The following PAX7 variants were observed in gnomAD, a reference collection of about 807,000 sequenced individuals.
The protein encoded by PAX7 is paired box 7.
A neutral mutation model predicts 50.7 loss-of-function variants in PAX7; 18 were observed. The observed-to-expected ratio is 0.36, with a 90% confidence interval of 0.25 to 0.53. The LOEUF (loss-of-function observed/expected upper bound fraction) is 0.53. Among genes scored for constraint, PAX7 ranks in the 20% least tolerant of loss-of-function variants. PAX7 has a pLI of 0.93. For synonymous variants in PAX7, 310 were observed against 290.4 expected, an observed-to-expected ratio of 1.07 and a Z score of -0.69; for missense variants, 644 against 702.9, an observed-to-expected ratio of 0.92 and a Z score of 0.95.
intron 4 of PAX7, among the ~76,000 whole-genome samples, chr1:18,676,025 A>C (rs895915859): frequency 2.6e-5 from 4 of 152,130 alleles, no homozygotes; most frequent in African/African-American, 9.7e-5. Flanking sequence ...GCCTGACATA[A>C]TACGTAACAG....
intron 4 of PAX7, among the ~76,000 whole-genome samples, chr1:18,677,415 T>C (rs1043843617): frequency 5.3e-5 from 8 of 152,178 alleles, no homozygotes; most frequent in African/African-American, 1.9e-4. Flanking sequence ...GGTGGCATGA[T>C]CCTGAGACCC....
rs1028467301 is a variant in PAX7 at position 18,700,570 on chromosome 1, T to C, written c.787-83T>C. The C allele has an allele frequency of 7.7e-7, 1 of 1,305,256 alleles. No individual in the cohort carries two copies. The highest frequency in any genetic ancestry group is 1.0e-6 in the Non-Finnish European group (1 of 974,984). The allele number at this position is 1,305,256 out of a possible 1,614,324, so 80.9% of individuals were successfully genotyped here. The stretch of plus-strand genomic sequence containing the variant: ...CTGGCTGGATCAGAGGGTGATGGCT[T>C]GGGCAACTGGGTCTACATGTGTTGC... On this transcript the variant is annotated intron_variant, in intron 5 of 8. Coordinates refer to ENST00000420770, the MANE Select transcript of PAX7 (RefSeq NM_001135254.2). The surrounding 1 kb of genome is among the most constrained non-coding windows in gnomAD (Gnocchi z 4.8).
chr1:18,679,255 A>C lies in PAX7; in HGVS notation c.587-12499A>C, dbSNP rs562592329. Among the ~76,000 whole-genome samples the C allele has an allele frequency of 9.9e-5, 15 of 152,274 alleles. No individual in the cohort carries two copies. The East Asian group carries it at 2.5e-3, about 26-fold the overall frequency. ...TTACATGGACAGAGGGACGAGGCCC[A>C]AAGCCATTTTCCATCTCCACCTCCA... On this transcript the variant is annotated intron_variant, in intron 4 of 8. Transcript: ENST00000420770.
In PAX7 at chr1:18,745,286, G is replaced by T. The variant is rs753800946; in HGVS notation, c.*357G>T. The T allele has an allele frequency of 4.0e-4, 128 of 319,344 alleles. No homozygotes were observed. Among genetic ancestry groups the T allele is most frequent in the Non-Finnish European group, 6.6e-4 (112 of 170,646 alleles). The allele number at this position is 319,344 out of a possible 1,614,324, so 19.8% of individuals were successfully genotyped here. ...AGAGGAGGATGGTGCCTGAGAGGAGGTCCTACAGCCCTTTGGACCCAACTC... is the reference window on the plus strand; with the variant it reads ...AGAGGAGGATGGTGCCTGAGAGGAGTTCCTACAGCCCTTTGGACCCAACTC... On this transcript the variant is annotated 3_prime_UTR_variant, in exon 9 of 9. Coordinates refer to ENST00000420770, the MANE Select transcript of PAX7 (RefSeq NM_001135254.2).
At chr1:18,743,761 C>T (rs1379378674) in intron 8 of PAX7, among the ~76,000 whole-genome samples, 2 of 152,222 alleles carry the variant, frequency 1.3e-5, no homozygotes, top group East Asian at 3.9e-4. Flanking sequence ...AGGGTCATCC[C>T]TGCACATACA....
Position 18,735,371 on chromosome 1 carries a change from C to T in PAX7, c.1156-261C>T, listed in dbSNP as rs150022652. On this transcript the variant is annotated intron_variant, in intron 7 of 8. Transcript: ENST00000420770. This position sits in a 1 kb window ranked among gnomAD's most constrained non-coding sequence, Gnocchi z 4.0. ...GGGCCAGACCCTGGAGCTAGAGAGG[C>T]GAGTAAGGCCCTGCTGAGTTCTCAG... is the stretch of plus-strand genomic sequence containing the variant. 1.3e-3 allele frequency among the ~76,000 whole-genome samples: 199 copies of T among 152,242 alleles called. No homozygotes were observed. Among genetic ancestry groups the T allele is most frequent in the African/African-American group, 4.5e-3 (185 of 41,528 alleles).
chr1:18,635,352 A>C, intron 3 of PAX7, 112 bp downstream of exon 3: 8 of 1,299,014 alleles, frequency 6.2e-6, no homozygotes, highest in Non-Finnish European at 8.4e-6. Context: ...CTGTGAACTT[A>C]CTGAGAAGTT....
rs538149421 is a variant in PAX7 at position 18,713,391 on chromosome 1, C to T, written c.1155+10095C>T. On this transcript the variant is annotated intron_variant, in intron 7 of 8. Coordinates refer to ENST00000420770, the MANE Select transcript of PAX7 (RefSeq NM_001135254.2). ...TTATAACTAGGTGTCTGGCAGGTAA[C>T]GGACCACCACCAACTGTTGGGCAAC... Among the ~76,000 whole-genome samples the T allele has an allele frequency of 1.5e-3, 231 of 152,320 alleles. 1 individual carries two copies. The highest frequency in any genetic ancestry group is 5.1e-3 in the African/African-American group (212 of 41,566).
intron 8 of PAX7, among the ~76,000 whole-genome samples, chr1:18,741,218 G>C (rs1298637896): frequency 6.6e-6 from 1 of 152,226 alleles, no homozygotes. Context: ...GGAGGCCAAA[G>C]TGGGCAGATC....
Position 18,735,555 on chromosome 1 carries a change from C to G in PAX7, c.1156-77C>G. 6.5e-7 allele frequency: 1 copy of G among 1,545,686 alleles called. No homozygotes were observed. The highest frequency in any genetic ancestry group is 1.2e-5 in the South Asian group (1 of 80,868). On this transcript the variant is annotated intron_variant, in intron 7 of 8. Coordinates refer to ENST00000420770, the MANE Select transcript of PAX7 (RefSeq NM_001135254.2). The surrounding 1 kb of genome is among the most constrained non-coding windows in gnomAD (Gnocchi z 4.0). ...CTGGCAAAGAGTGTTCCAGGGCCAG[C>G]CTGGCATTGTGCCCAGTGTGCTCGT...
chr1:18,702,875 G>C (rs182639747), intron 6 of PAX7, among the ~76,000 whole-genome samples: 32 of 152,326 alleles, frequency 2.1e-4, no homozygotes, highest in Non-Finnish European at 4.6e-4. Flanking sequence ...CTGTCTAGGG[G>C]TTGTCTAGAA....
intron 4 of PAX7, among the ~76,000 whole-genome samples, chr1:18,688,692 G>C (rs1018009463): frequency 1.3e-5 from 2 of 152,164 alleles, no homozygotes; most frequent in Non-Finnish European, 2.9e-5. Flanking sequence ...CCTGAGGTCA[G>C]GAGTTCAAGA....
At position 18,735,056 on chromosome 1, in the gene PAX7, G is replaced by A. The variant is rs1440766530; in HGVS notation, c.1156-576G>A. ...AGAATCAAAGGAAGGGGCCTGAGAG[G>A]CTCTTTGAAAGCATTGGCTGTGGGC... On this transcript the variant is annotated intron_variant, in intron 7 of 8. Transcript: ENST00000420770. This position sits in a 1 kb window ranked among gnomAD's most constrained non-coding sequence, Gnocchi z 4.0. 2.6e-5 allele frequency among the ~76,000 whole-genome samples: 4 copies of A among 152,206 alleles called. No homozygotes were observed. Among genetic ancestry groups the A allele is most frequent in the Non-Finnish European group, 5.9e-5 (4 of 68,040 alleles).
chr1:18,708,616 C>T (rs748287587), intron 7 of PAX7, among the ~76,000 whole-genome samples: 8 of 152,034 alleles, frequency 5.3e-5, no homozygotes, highest in Non-Finnish European at 8.8e-5. Flanking sequence ...TTTTGTAACG[C>T]AAATGACTTT....
intron 4 of PAX7, among the ~76,000 whole-genome samples, chr1:18,676,893 G>A (rs760435205): frequency 1.2e-4 from 19 of 152,110 alleles, no homozygotes; most frequent in Admixed American, 2.6e-4. Flanking sequence ...TGTTCTTTGA[G>A]ATCCAGGAAG....
chr1:18,662,864 C>T (rs189575403), intron 4 of PAX7, among the ~76,000 whole-genome samples: 1 of 152,070 alleles, frequency 6.6e-6, no homozygotes, highest in East Asian at 1.9e-4. Flanking sequence ...TGAGCCACCA[C>T]ACCCAGCCTG....
At chr1:18,722,731 C>A (rs1207866902) in intron 7 of PAX7, among the ~76,000 whole-genome samples, 5 of 152,096 alleles carry the variant, frequency 3.3e-5, no homozygotes, top group African/African-American at 9.7e-5. Context: ...CAGCAGGGAG[C>A]AGGAGGGAGG....
chr1:18,729,367 C>T (rs1041439913), intron 7 of PAX7, among the ~76,000 whole-genome samples: 2 of 152,102 alleles, frequency 1.3e-5, no homozygotes, highest in African/African-American at 2.4e-5. Context: ...CCCTGGGGTG[C>T]CAAGTCACTC....
chr1:18,708,595 T>A (rs566473042), intron 7 of PAX7, among the ~76,000 whole-genome samples: 1 of 152,126 alleles, frequency 6.6e-6, no homozygotes, highest in South Asian at 2.1e-4. Context: ...TGACTTAGGA[T>A]GAAAGGAACC....
Sources: gnomAD v4.1 joint callset for allele counts (sites outside exome capture counted in the v4.1 genomes callset) on GRCh38, gnomAD v4.1.1 for gene constraint, Gnocchi (gnomAD v3.1) non-coding constraint, MANE v1.5 for transcripts, NCBI Gene and HGNC (gene_info 2026-07-23, HGNC 2026-07-21) for gene names.